ROBO1: variants seen among roughly 807,000 people sequenced by gnomAD.
The protein encoded by ROBO1 is roundabout guidance receptor 1.
A neutral mutation model predicts 195.9 loss-of-function variants in ROBO1; 149 were observed. That is an observed-to-expected ratio of 0.76 (90% CI 0.67 to 0.87). The LOEUF is 0.87. ROBO1 is among the 40% of genes least tolerant of loss of function. The pLI, the probability that ROBO1 is intolerant of heterozygous loss-of-function variation, is 0.00. For synonymous variants in ROBO1, 816 were observed against 733.2 expected, an observed-to-expected ratio of 1.11 and a Z score of -1.82; for missense variants, 1,933 against 2,068.3, an observed-to-expected ratio of 0.93 and a Z score of 1.27.
intron 5 of ROBO1, among the ~76,000 whole-genome samples, chr3:78,726,762 A>G (rs2082171570): frequency 6.6e-6 from 1 of 152,190 alleles, no homozygotes; most frequent in Non-Finnish European, 1.5e-5. Flanking sequence ...GCCCCCAGAC[A>G]TTCCCCTTGG....
At chr3:79,183,764 T>A (rs1311459422) in intron 2 of ROBO1, among the ~76,000 whole-genome samples, 1 of 152,168 alleles carries the variant, frequency 6.6e-6, no homozygotes, top group African/African-American at 2.4e-5. Flanking sequence ...AGGAGACACA[T>A]AGCCAAACTG....
intron 2 of ROBO1, among the ~76,000 whole-genome samples, chr3:79,186,244 T>C (rs1366299512): frequency 6.6e-6 from 1 of 151,944 alleles, no homozygotes; most frequent in Non-Finnish European, 1.5e-5. Context: ...CATACATATG[T>C]TCAACTGTCC....
intron 2 of ROBO1, among the ~76,000 whole-genome samples, chr3:79,439,294 G>A (rs1350767957): frequency 3.3e-5 from 5 of 152,062 alleles, no homozygotes; most frequent in African/African-American, 4.8e-5. Flanking sequence ...CAATGAGGAT[G>A]TATACAACAA....
intron 2 of ROBO1, among the ~76,000 whole-genome samples, chr3:79,165,697 A>G (rs962872784): frequency 1.3e-5 from 2 of 152,188 alleles, no homozygotes; most frequent in Non-Finnish European, 2.9e-5. Flanking sequence ...GGTATCTATA[A>G]TGGCACGATG....
At chr3:79,291,632 A>T (rs1052700039) in intron 2 of ROBO1, among the ~76,000 whole-genome samples, 1 of 152,190 alleles carries the variant, frequency 6.6e-6, no homozygotes, top group Non-Finnish European at 1.5e-5. Flanking sequence ...TTTCAATCAC[A>T]TTTACATCTT....
rs562866891 is a variant in ROBO1, at chr3:78,948,884, C to A, written c.173-9957G>T. The stretch of plus-strand genomic sequence containing the variant: ...CGCCAATAACAGACAAACAGAGAGC[C>A]AAATCATGAGTGAACTCCCATTCAC... On this transcript the variant is annotated intron_variant, in intron 3 of 30. Transcript: ENST00000464233. Among the ~76,000 whole-genome samples the A allele has an allele frequency of 1.9e-3, 290 of 152,172 alleles. 1 individual carries two copies. The highest frequency in any genetic ancestry group is 6.8e-3 in the African/African-American group (282 of 41,504).
At chr3:78,965,139 G>T (rs1355943035) in intron 3 of ROBO1, among the ~76,000 whole-genome samples, 1 of 151,550 alleles carries the variant, frequency 6.6e-6, no homozygotes, top group Non-Finnish European at 1.5e-5. Flanking sequence ...ACTATTTCAA[G>T]GACTATATGT....
At chr3:79,578,216 C>G (rs1394131735) in intron 2 of ROBO1, among the ~76,000 whole-genome samples, 2 of 152,074 alleles carry the variant, frequency 1.3e-5, no homozygotes, top group African/African-American at 2.4e-5. Context: ...AAAAATGATA[C>G]ATAAACAGTT....
At position 79,592,023 on chromosome 3, in the gene ROBO1, ACTTG is replaced by A. The variant is rs139850204; in HGVS notation, c.-50-2066_-50-2063del. Among the ~76,000 whole-genome samples, 1,466 of 151,946 alleles carry A rather than the reference ACTTG, an allele frequency of 9.6e-3. 18 individuals carry two copies. Among genetic ancestry groups the A allele is most frequent in the African/African-American group, 0.032 (1,343 of 41,488 alleles). ...TGTATGAATCTCAAGGCTATTTAGAACTTGCTTATTACTTAAAAATTTAGAAGGA... is the reference window on the plus strand; with the variant it reads ...TGTATGAATCTCAAGGCTATTTAGAACTTATTACTTAAAAATTTAGAAGGA... On this transcript the variant is annotated intron_variant, in intron 1 of 30. Transcript: ENST00000464233.
intron 3 of ROBO1, among the ~76,000 whole-genome samples, chr3:79,113,872 G>A (rs1334583874): frequency 6.6e-6 from 1 of 152,108 alleles, no homozygotes; most frequent in African/African-American, 2.4e-5. Flanking sequence ...AGATAATGAT[G>A]ATTATTGCAC....
At chr3:79,197,870 A>AT (rs1225953396) in intron 2 of ROBO1, among the ~76,000 whole-genome samples, 1 of 142,736 alleles carries the variant, frequency 7.0e-6, no homozygotes, top group Admixed American at 6.9e-5. Context: ...TCCTTCGCCC[A>AT]TTTTTTTGAT....
At chr3:78,853,829 T>C (rs150804638) in intron 4 of ROBO1, among the ~76,000 whole-genome samples, 2 of 152,198 alleles carry the variant, frequency 1.3e-5, no homozygotes, top group East Asian at 3.9e-4. Flanking sequence ...ACATCTTATG[T>C]GGTGGCAGGT....
chr3:79,735,886 A>C (rs866794267), intron 1 of ROBO1, among the ~76,000 whole-genome samples: 105 of 95,772 alleles, frequency 1.1e-3, no homozygotes, highest in Middle Eastern at 0.012. Context: ...AAAAAAAAAA[A>C]CAAAAAAAAA....
intron 1 of ROBO1, among the ~76,000 whole-genome samples, chr3:79,643,113 G>T (rs553220644): frequency 6.6e-6 from 1 of 152,220 alleles, no homozygotes; most frequent in African/African-American, 2.4e-5. Flanking sequence ...GACAGAAGAA[G>T]TTGGAAAGAG....
At chr3:79,485,252 A>G (rs913447172) in intron 2 of ROBO1, among the ~76,000 whole-genome samples, 3 of 152,126 alleles carry the variant, frequency 2.0e-5, no homozygotes, top group Non-Finnish European at 4.4e-5. Flanking sequence ...TTTTGTTAGT[A>G]TAGTTGCTAT....
At chr3:79,579,331 ATATT>A in intron 2 of ROBO1, among the ~76,000 whole-genome samples, 1 of 152,110 alleles carries the variant, frequency 6.6e-6, no homozygotes, top group Middle Eastern at 3.4e-3. Context: ...TGTGAAGGAA[ATATT>A]TATTGTTCAA....
intron 1 of ROBO1, among the ~76,000 whole-genome samples, chr3:79,628,994 A>G (rs1233099538): frequency 2.6e-5 from 4 of 152,208 alleles, no homozygotes; most frequent in Non-Finnish European, 5.9e-5. Flanking sequence ...ACACAGATTC[A>G]TAAGGCAAAT....
At chr3:79,179,231 G>A (rs925777932) in intron 2 of ROBO1, among the ~76,000 whole-genome samples, 14 of 152,306 alleles carry the variant, frequency 9.2e-5, no homozygotes, top group African/African-American at 3.1e-4. Context: ...CAATGTTACA[G>A]ATACTAGTTT....
In ROBO1 at chr3:78,614,817, A is replaced by T; in HGVS notation, c.4283-17T>A. 1 of 1,569,860 alleles carries T rather than the reference A, an allele frequency of 6.4e-7. No homozygotes were observed. Among genetic ancestry groups the T allele is most frequent in the Non-Finnish European group, 8.6e-7 (1 of 1,161,358 alleles). On this transcript the variant is annotated splice_polypyrimidine_tract_variant and intron_variant, in intron 27 of 30. Coordinates refer to ENST00000464233, the MANE Select transcript of ROBO1 (RefSeq NM_002941.4). ...GTCGACGGCCTAAGGAGAAAAAAAAAAAAAATCCAAGCCAAACTCATCAGT... is the reference window on the plus strand; with the variant it reads ...GTCGACGGCCTAAGGAGAAAAAAAATAAAAATCCAAGCCAAACTCATCAGT...
Sources: allele counts gnomAD v4.1 joint callset (sites outside exome capture counted in the v4.1 genomes callset), GRCh38; gene constraint gnomAD v4.1.1; transcripts MANE v1.5; gene names NCBI Gene and HGNC (gene_info 2026-07-23, HGNC 2026-07-21).